ZMIZ1: variants seen among roughly 807,000 people sequenced by gnomAD.
ZMIZ1 encodes the protein zinc finger MIZ domain-containing protein 1.
Under a neutral mutation model 113.9 loss-of-function variants are expected in ZMIZ1, and 17 were observed. The ratio of observed to expected loss-of-function variants is 0.15; its 90% CI spans 0.10 to 0.22. The LOEUF (loss-of-function observed/expected upper bound fraction) is 0.22, where lower values mean the gene tolerates loss of function less well. Among genes scored for constraint, ZMIZ1 ranks in the 10% least tolerant of loss-of-function variants. The pLI, the probability that ZMIZ1 is intolerant of heterozygous loss-of-function variation, is 1.00. For missense variants in ZMIZ1, 1,059 were observed against 1,477.8 expected (o/e 0.72, Z 4.65); for synonymous variants, 607 against 603.1 (o/e 1.01, Z -0.09).
At chr10:79,294,946 GGGGGGGTCAGGGGCTTC>G in intron 12 of ZMIZ1, 1 of 146,884 alleles carries the variant, frequency 6.8e-6, no homozygotes, top group Middle Eastern at 3.4e-3. Flanking sequence ...AGAGAGAGGG[GGGGGGGTCAGGGGCTTC>G]CTCATGCATC....
intron 7 of ZMIZ1, among the ~76,000 whole-genome samples, chr10:79,273,118 A>C (rs542480986): frequency 6.6e-6 from 1 of 152,186 alleles, no homozygotes; most frequent in Non-Finnish European, 1.5e-5. Context: ...GTGCATTTGC[A>C]GGTGGTTGTG....
At chr10:79,282,164 A>G (rs932942228) in intron 8 of ZMIZ1, among the ~76,000 whole-genome samples, 2 of 152,260 alleles carry the variant, frequency 1.3e-5, no homozygotes, top group African/African-American at 4.8e-5. Flanking sequence ...ATAAGTCCTC[A>G]GTGCAATTTC....
At chr10:79,257,827 T>C (rs914426368) in intron 7 of ZMIZ1, among the ~76,000 whole-genome samples, 3 of 152,224 alleles carry the variant, frequency 2.0e-5, no homozygotes, top group African/African-American at 7.2e-5. Context: ...CTGAGCTGTA[T>C]TATGAGACCA....
At chr10:79,284,986 C>T (rs960059792) in intron 8 of ZMIZ1, among the ~76,000 whole-genome samples, 1 of 152,200 alleles carries the variant, frequency 6.6e-6, no homozygotes, top group South Asian at 2.1e-4. Flanking sequence ...TCGTGCTAGG[C>T]GACTTCCCCA....
At chr10:79,074,614 C>G (rs1842409056) in intron 1 of ZMIZ1, among the ~76,000 whole-genome samples, 1 of 152,256 alleles carries the variant, frequency 6.6e-6, no homozygotes, top group African/African-American at 2.4e-5. Flanking sequence ...GCCCAGTGCT[C>G]TTCCTTGGGT....
intron 4 of ZMIZ1, among the ~76,000 whole-genome samples, chr10:79,169,132 C>T (rs1041585415): frequency 6.6e-6 from 1 of 152,208 alleles, no homozygotes; most frequent in Admixed American, 6.5e-5. Context: ...CGTGGTGCCA[C>T]CTCCATCTGG....
intron 8 of ZMIZ1, among the ~76,000 whole-genome samples, chr10:79,279,322 G>T (rs932310425): frequency 2.0e-5 from 3 of 151,422 alleles, no homozygotes; most frequent in Non-Finnish European, 4.4e-5. Flanking sequence ...TCAGTTCCCA[G>T]ACGGGGTCGC....
intron 1 of ZMIZ1, among the ~76,000 whole-genome samples, chr10:79,079,443 T>C (rs1349910197): frequency 6.6e-6 from 1 of 152,258 alleles, no homozygotes; most frequent in Non-Finnish European, 1.5e-5. Context: ...TCCCTGGCCG[T>C]TGAATGGAGT....
At chr10:79,128,947 T>A (rs1469429368) in intron 2 of ZMIZ1, among the ~76,000 whole-genome samples, 1 of 152,204 alleles carries the variant, frequency 6.6e-6, no homozygotes, top group African/African-American at 2.4e-5. Context: ...CCTTCCCCGT[T>A]AAGTATTGTA....
intron 1 of ZMIZ1, among the ~76,000 whole-genome samples, chr10:79,083,903 T>C (rs1283880212): frequency 6.6e-6 from 1 of 152,188 alleles, no homozygotes; most frequent in Non-Finnish European, 1.5e-5. Context: ...CACTCTGTCA[T>C]AAGGTGGCCT....
intron 1 of ZMIZ1, among the ~76,000 whole-genome samples, chr10:79,114,537 G>GTGTGTA (rs1843930674): frequency 7.1e-6 from 1 of 140,470 alleles, no homozygotes; most frequent in Non-Finnish European, 1.5e-5. Flanking sequence ...GTGTGTGTGT[G>GTGTGTA]TGTGAAGGTG....
chr10:79,234,276 A>C (rs529165500), intron 7 of ZMIZ1, among the ~76,000 whole-genome samples: 51 of 152,088 alleles, frequency 3.4e-4, no homozygotes, highest in South Asian at 8.3e-4. Context: ...GGAGGGAGAG[A>C]AGCAGAGGTG....
chr10:79,293,737 G>A (rs1853675634), intron 12 of ZMIZ1, 84 bp downstream of exon 12: 5 of 1,602,274 alleles, frequency 3.1e-6, no homozygotes, highest in Non-Finnish European at 4.3e-6. Flanking sequence ...GCTTTGGAAG[G>A]GGTGTGGCTT....
At chr10:79,192,722 C>T (rs1309983915) in intron 4 of ZMIZ1, among the ~76,000 whole-genome samples, 1 of 152,212 alleles carries the variant, frequency 6.6e-6, no homozygotes, top group East Asian at 1.9e-4. Flanking sequence ...GACTTTCCTG[C>T]TTGACAGATG....
chr10:79,110,326 T>G (rs1175380939), intron 1 of ZMIZ1, among the ~76,000 whole-genome samples: 1 of 152,190 alleles, frequency 6.6e-6, no homozygotes, highest in Non-Finnish European at 1.5e-5. Flanking sequence ...GTTTTTGGCC[T>G]TATTGCGATA....
chr10:79,097,650 T>G (rs1843217773), intron 1 of ZMIZ1, among the ~76,000 whole-genome samples: 1 of 152,334 alleles, frequency 6.6e-6, no homozygotes, highest in Non-Finnish European at 1.5e-5. Context: ...TCAATAAATG[T>G]GCAGCTGGCA....
chr10:79,164,857 C>G (rs544271068), intron 4 of ZMIZ1, among the ~76,000 whole-genome samples: 1 of 152,244 alleles, frequency 6.6e-6, no homozygotes, highest in Non-Finnish European at 1.5e-5. Flanking sequence ...AGGATGGTTA[C>G]TGGGGAGGCT....
chr10:79,242,113 C>T (rs1849860890), intron 7 of ZMIZ1, among the ~76,000 whole-genome samples: 1 of 150,452 alleles, frequency 6.6e-6, no homozygotes, highest in Non-Finnish European at 1.5e-5. Flanking sequence ...GAGGAAGGGG[C>T]GAAGATCTCT....
chr10:79,280,732 A>T (rs1340300755), intron 8 of ZMIZ1, among the ~76,000 whole-genome samples: 2 of 135,066 alleles, frequency 1.5e-5, no homozygotes, highest in African/African-American at 5.5e-5. Flanking sequence ...CATTATCACA[A>T]TAAAAGTACC....
Sources: allele counts gnomAD v4.1 joint callset (sites outside exome capture counted in the v4.1 genomes callset), GRCh38; gene constraint gnomAD v4.1.1; transcripts MANE v1.5; gene names NCBI Gene and HGNC (gene_info 2026-07-23, HGNC 2026-07-21).